Variants in MRPS28 observed in about 807,000 individuals in gnomAD.
The protein encoded by MRPS28 is mitochondrial ribosomal protein S28, also known as small ribosomal subunit protein bS1m.
In MRPS28, 7 loss-of-function variants were observed where a neutral mutation model predicts 10.8. The observed-to-expected ratio is 0.65, with a 90% confidence interval of 0.37 to 1.22. The LOEUF is 1.22. MRPS28 is among the 50% of genes most tolerant of loss of function. The pLI is 0.02. For missense variants in MRPS28, 265 were observed against 232.9 expected, an observed-to-expected ratio of 1.14 and a Z score of -0.90; for synonymous variants, 121 against 93.3, an observed-to-expected ratio of 1.30 and a Z score of -1.71.
chr8:79,923,655 G>A (rs1586036888), intron 2 of MRPS28, among the ~76,000 whole-genome samples: 1 of 152,094 alleles, frequency 6.6e-6, no homozygotes, highest in South Asian at 2.1e-4. Context: ...TCTCCACTGA[G>A]CACATTCAAA....
intron 2 of MRPS28, among the ~76,000 whole-genome samples, chr8:79,993,775 T>G (rs1241911588): frequency 6.6e-6 from 1 of 152,154 alleles, no homozygotes; most frequent in Non-Finnish European, 1.5e-5. Context: ...ACCCACTTAA[T>G]TCAAATTCTT....
intron 2 of MRPS28, among the ~76,000 whole-genome samples, chr8:79,957,546 C>CAAAA (rs35772888): frequency 1.5e-4 from 13 of 84,982 alleles, no homozygotes; most frequent in Admixed American, 2.5e-4. Context: ...CTTGTCTCTA[C>CAAAA]AAAAAAAAAA....
chr8:79,970,034 G>A (rs1185560830), intron 2 of MRPS28, among the ~76,000 whole-genome samples: 1 of 152,146 alleles, frequency 6.6e-6, no homozygotes, highest in African/African-American at 2.4e-5. Flanking sequence ...CAAGTGTGAT[G>A]CCATTCCTAC....
intron 1 of MRPS28, among the ~76,000 whole-genome samples, chr8:80,004,091 A>C (rs551245328): frequency 6.6e-6 from 1 of 151,722 alleles, no homozygotes; most frequent in African/African-American, 2.4e-5. Flanking sequence ...GGCAGGAAAA[A>C]CCTCTGTAGA....
chr8:79,944,229 T>C (rs1000940905), intron 2 of MRPS28, among the ~76,000 whole-genome samples: 4 of 152,236 alleles, frequency 2.6e-5, no homozygotes, highest in African/African-American at 9.6e-5. Context: ...TTTTTCCTTA[T>C]GGATGATGCC....
Position 80,030,061 on chromosome 8 carries a change from A to G in MRPS28, c.188T>C (p.Leu63Pro). The change falls in exon 1 of 3, where the codon CTA (leucine) becomes CCA (proline). Residue 63 changes from leucine (L) to proline (P), a missense_variant. Transcript: ENST00000276585. ...CTTCTGTAGGGGCTCCACCTTCTGT[A>G]GAAGCTCCGAGTGCCGCTCCAACGC... ...ASALERHSEL[L>P]QKVEPLQKGS... The G allele has an allele frequency of 1.2e-6, 2 of 1,613,540 alleles. No individual in the cohort carries two copies. Among genetic ancestry groups the G allele is most frequent in the Non-Finnish European group, 8.5e-7 (1 of 1,179,734 alleles).
chr8:79,991,909 G>GCTCTCTCTCT (rs33936648), intron 2 of MRPS28, among the ~76,000 whole-genome samples: 16 of 133,112 alleles, frequency 1.2e-4, no homozygotes, highest in East Asian at 2.2e-4. Flanking sequence ...CTTCCTCCTT[G>GCTCTCTCTCT]CTCTCTCTCT....
chr8:79,976,020 G>A (rs963280378), intron 2 of MRPS28, among the ~76,000 whole-genome samples: 14 of 152,104 alleles, frequency 9.2e-5, no homozygotes, highest in African/African-American at 3.1e-4. Flanking sequence ...TTGGGAAGGC[G>A]GGGGAAGACC....
chr8:79,919,895 C>T (rs1299142030), intron 2 of MRPS28, among the ~76,000 whole-genome samples: 2 of 151,146 alleles, frequency 1.3e-5, no homozygotes, highest in African/African-American at 2.4e-5. Context: ...TGTGCTGCAC[C>T]CATTAACTCG....
At chr8:79,958,821 T>C (rs1807296459) in intron 2 of MRPS28, among the ~76,000 whole-genome samples, 1 of 152,136 alleles carries the variant, frequency 6.6e-6, no homozygotes, top group African/African-American at 2.4e-5. Context: ...CCCCCAAGTA[T>C]ATAAAAATTA....
At chr8:79,971,508 C>T (rs77075801) in intron 2 of MRPS28, among the ~76,000 whole-genome samples, 2,014 of 152,170 alleles carry the variant, frequency 0.013, 63 homozygotes, top group African/African-American at 0.044. Context: ...TGTCCCCTAC[C>T]CCACCCACTG....
At chr8:80,028,592 AAT>A (rs1809549670) in intron 1 of MRPS28, 1 of 142,452 alleles carries the variant, frequency 7.0e-6, no homozygotes, top group Non-Finnish European at 1.5e-5. Context: ...CTGATCTTAA[AAT>A]AGATTATCTA....
At chr8:79,934,986 CTAATGCCCAAG>C (rs1373189244) in intron 2 of MRPS28, among the ~76,000 whole-genome samples, 1 of 152,182 alleles carries the variant, frequency 6.6e-6, no homozygotes, top group African/African-American at 2.4e-5. Flanking sequence ...AAAAGTAATT[CTAATGCCCAAG>C]TATGGGACAG....
At position 80,030,193 on chromosome 8, in the gene MRPS28, A is replaced by G; in HGVS notation, c.56T>C (p.Val19Ala). The G allele has an allele frequency of 6.2e-7, 1 of 1,613,992 alleles. No individual in the cohort carries two copies. The highest frequency in any genetic ancestry group is 8.5e-7 in the Non-Finnish European group (1 of 1,180,004). ...CCGAAAGGGCCTGAAGAAGAGAAAC[A>G]CTCGCAGAAAATGGCTCTCGGCAGC... ...AVAAESHFLR[V>A]FLFFRPFRGV... The change falls in exon 1 of 3, where the codon GTG becomes GCG. Residue 19 changes from valine (V) to alanine (A), a missense_variant. Physicochemically the swap from Val to Ala is moderately conservative, Grantham distance 64. Coordinates refer to ENST00000276585, the MANE Select transcript of MRPS28 (RefSeq NM_014018.3).
At chr8:80,016,260 A>T (rs1809191960) in intron 1 of MRPS28, among the ~76,000 whole-genome samples, 1 of 152,164 alleles carries the variant, frequency 6.6e-6, no homozygotes, top group Non-Finnish European at 1.5e-5. Context: ...AACTACAGAA[A>T]AATCAAAGAT....
chr8:79,938,459 C>G (rs1586046051), intron 2 of MRPS28, among the ~76,000 whole-genome samples: 2 of 147,844 alleles, frequency 1.4e-5, no homozygotes, highest in Admixed American at 1.3e-4. Context: ...GCTATTGAAT[C>G]AAGAAAAGTA....
chr8:79,951,020 T>C (rs1371594133), intron 2 of MRPS28, among the ~76,000 whole-genome samples: 2 of 152,208 alleles, frequency 1.3e-5, no homozygotes, highest in Non-Finnish European at 2.9e-5. Context: ...CTGATATTTT[T>C]CAGGAGAGGC....
chr8:80,011,437 T>C (rs868437374), intron 1 of MRPS28, among the ~76,000 whole-genome samples: 2 of 150,442 alleles, frequency 1.3e-5, no homozygotes, highest in Non-Finnish European at 3.0e-5. Flanking sequence ...TGACTTTCAA[T>C]TGAAGCCATA....
At chr8:80,006,444 G>A (rs1808848757) in intron 1 of MRPS28, among the ~76,000 whole-genome samples, 1 of 152,114 alleles carries the variant, frequency 6.6e-6, no homozygotes, top group Admixed American at 6.6e-5. Context: ...AGGAGACAGA[G>A]ACACAAAAAA....
Sources: gnomAD v4.1 joint callset for allele counts (sites outside exome capture counted in the v4.1 genomes callset) on GRCh38, gnomAD v4.1.1 for gene constraint, MANE v1.5 for transcripts, NCBI Gene and HGNC (gene_info 2026-07-23, HGNC 2026-07-21) for gene names.